Variants in RBPJ observed in about 807,000 individuals in gnomAD.
The protein encoded by RBPJ is recombination signal binding protein for immunoglobulin kappa J region, also known as recombining binding protein suppressor of hairless.
RBPJ carries 9 observed loss-of-function variants against 67.8 expected under a neutral mutation model. The observed-to-expected ratio is 0.13, with a 90% CI of 0.08 to 0.23. RBPJ has a LOEUF of 0.23. Among genes scored for constraint, RBPJ ranks in the 10% least tolerant of loss-of-function variants. The probability of loss-of-function intolerance (pLI) is 1.00; values close to 1 mark genes in which losing one functional copy is unlikely to be tolerated. For missense variants in RBPJ, 305 were observed against 595.6 expected, an observed-to-expected ratio of 0.51 and a Z score of 5.08; for synonymous variants, 198 against 203.3, an observed-to-expected ratio of 0.97 and a Z score of 0.22.
chr4:26,212,432 C>CTTTTTTTTTTTTTTTT (rs370447105), intron 1 of RBPJ, among the ~76,000 whole-genome samples: 15 of 112,228 alleles, frequency 1.3e-4, no homozygotes, highest in Non-Finnish European at 2.1e-4. Flanking sequence ...CTTTTCTTTT[C>CTTTTTTTTTTTTTTTT]TTTTTTTTTT....
chr4:26,317,857 G>A (rs1722707493), upstream of RBPJ, among the ~76,000 whole-genome samples: 1 of 152,068 alleles, frequency 6.6e-6, no homozygotes, highest in East Asian at 1.9e-4. Context: ...AAAAGGGGGA[G>A]CTGTTATTCC....
At chr4:26,240,087 A>G (rs1316271689) in intron 1 of RBPJ, among the ~76,000 whole-genome samples, 1 of 152,214 alleles carries the variant, frequency 6.6e-6, no homozygotes, top group African/African-American at 2.4e-5. Context: ...TTCCCTGTTT[A>G]GAGTTGCCAG....
chr4:26,301,314 C>T (rs1479594950), intron 1 of RBPJ, among the ~76,000 whole-genome samples: 1 of 152,120 alleles, frequency 6.6e-6, no homozygotes, highest in Non-Finnish European at 1.5e-5. Flanking sequence ...CAGGGATAGC[C>T]GGGCATGGTG....
At chr4:26,278,900 TGGATATATAA>T (rs2109272588) in intron 1 of RBPJ, among the ~76,000 whole-genome samples, 1 of 152,264 alleles carries the variant, frequency 6.6e-6, no homozygotes, top group South Asian at 2.1e-4. Flanking sequence ...GGCTATGGGA[TGGATATATAA>T]GGTTCTAAGG....
chr4:26,109,425 C>CT, the RBPJ span, among the ~76,000 whole-genome samples: 46 of 22,908 alleles, frequency 2.0e-3, 11 homozygotes, highest in East Asian at 5.6e-3. Context: ...TCTCTCTCTC[C>CT]CTCTCTCTCT....
intron 2 of RBPJ, among the ~76,000 whole-genome samples, chr4:26,389,451 C>G (rs988476667): frequency 2.0e-5 from 3 of 150,080 alleles, no homozygotes; most frequent in Non-Finnish European, 4.4e-5. Context: ...ACTTGTCAAC[C>G]TAGAATTCTA....
the RBPJ span, among the ~76,000 whole-genome samples, chr4:26,131,048 C>T: frequency 1.3e-5 from 2 of 152,224 alleles, no homozygotes; most frequent in African/African-American, 2.4e-5. Context: ...ATTCTCCCAT[C>T]TTTTTCTGCC....
At chr4:26,199,473 C>T (rs1178042411) in intron 1 of RBPJ, among the ~76,000 whole-genome samples, 1 of 152,204 alleles carries the variant, frequency 6.6e-6, no homozygotes, top group African/African-American at 2.4e-5. Flanking sequence ...AAAATACACA[C>T]ACATGTCAGA....
chr4:26,364,263 T>C (rs1157791808), intron 1 of RBPJ, among the ~76,000 whole-genome samples: 3 of 152,248 alleles, frequency 2.0e-5, no homozygotes, highest in Admixed American at 2.0e-4. Context: ...AAGATGAAAC[T>C]GCTTTATATT....
chr4:26,424,339 C>T lies in RBPJ; in HGVS notation c.497-3C>T, dbSNP rs571046088. The stretch of plus-strand genomic sequence containing the variant: ...ATAAATAAGAGCTGTTTTTTCTTTG[C>T]AGTATGCATTGCCTCAGGAACAAAG... On this transcript the variant is annotated splice_region_variant and splice_polypyrimidine_tract_variant and intron_variant, in intron 5 of 10. Coordinates refer to ENST00000355476, the MANE Select transcript of RBPJ (RefSeq NM_015874.6). The surrounding 1 kb of genome is among the most constrained non-coding windows in gnomAD (Gnocchi z 5.3). The T allele has an allele frequency of 9.3e-6, 15 of 1,612,468 alleles. No individual in the cohort carries two copies. The Admixed American group carries it at 2.0e-4, about 22-fold the overall frequency.
chr4:26,331,420 A>G (rs1274588995), intron 1 of RBPJ, among the ~76,000 whole-genome samples: 1 of 150,534 alleles, frequency 6.6e-6, no homozygotes, highest in East Asian at 2.0e-4. Flanking sequence ...CTTTCTATTT[A>G]TCTCACTCAG....
chr4:26,150,697 T>G, the RBPJ span, among the ~76,000 whole-genome samples: 1 of 152,104 alleles, frequency 6.6e-6, no homozygotes. Flanking sequence ...CATGATTAAG[T>G]CCATAGGGTA....
At chr4:26,263,357 C>T (rs767862410) in intron 1 of RBPJ, among the ~76,000 whole-genome samples, 1 of 125,816 alleles carries the variant, frequency 7.9e-6, no homozygotes, top group Admixed American at 1.0e-4. Context: ...AGAACATTGG[C>T]TAGGCCTTAG....
At chr4:26,269,803 G>A (rs1165220752) in intron 1 of RBPJ, among the ~76,000 whole-genome samples, 1 of 152,136 alleles carries the variant, frequency 6.6e-6, no homozygotes, top group Non-Finnish European at 1.5e-5. Context: ...GGGGGAGGGA[G>A]AGGGGTAGAA....
At chr4:26,271,450 A>G (rs920084602) in intron 1 of RBPJ, among the ~76,000 whole-genome samples, 1 of 152,166 alleles carries the variant, frequency 6.6e-6, no homozygotes, top group Non-Finnish European at 1.5e-5. Flanking sequence ...AAAGATGAAC[A>G]GGACCTCAGA....
intron 1 of RBPJ, among the ~76,000 whole-genome samples, chr4:26,312,839 C>T (rs10939104): frequency 0.41 from 62,923 of 152,120 alleles, 15,624 homozygotes; most frequent in Admixed American, 0.57. Flanking sequence ...GGTAGGTAAT[C>T]TAAACATGCT....
chr4:26,220,870 C>T (rs1718880047), intron 1 of RBPJ, among the ~76,000 whole-genome samples: 1 of 152,320 alleles, frequency 6.6e-6, no homozygotes, highest in African/African-American at 2.4e-5. Context: ...TTTCACTGCA[C>T]CGCAGTGGTG....
intron 1 of RBPJ, among the ~76,000 whole-genome samples, chr4:26,304,174 G>A (rs1365084480): frequency 6.6e-6 from 1 of 152,148 alleles, no homozygotes; most frequent in Non-Finnish European, 1.5e-5. Context: ...ATGTTGTAGT[G>A]TGTTTCATAC....
chr4:26,364,815 C>T (rs975110468), intron 1 of RBPJ, among the ~76,000 whole-genome samples: 7 of 151,404 alleles, frequency 4.6e-5, no homozygotes, highest in South Asian at 4.2e-4. Flanking sequence ...TTAGTAGAGA[C>T]GGGGTTTCGC....
Sources: gnomAD v4.1 joint callset for allele counts (sites outside exome capture counted in the v4.1 genomes callset) on GRCh38, gnomAD v4.1.1 for gene constraint, Gnocchi (gnomAD v3.1) non-coding constraint, MANE v1.5 for transcripts, NCBI Gene and HGNC (gene_info 2026-07-23, HGNC 2026-07-21) for gene names.